Variants in WDR27 observed in about 807,000 individuals in gnomAD.
The protein encoded by WDR27 is WD repeat domain 27.
In WDR27, 100 loss-of-function variants were observed where a neutral mutation model predicts 114.4. That is an observed-to-expected ratio of 0.87 (90% confidence interval 0.74 to 1.03). WDR27 has a LOEUF of 1.03. Among genes scored for constraint, WDR27 ranks in the 50% least tolerant of loss-of-function variants. The pLI is 0.00. For missense variants in WDR27, 1,129 were observed against 1,092.9 expected (o/e 1.03, Z -0.47); for synonymous variants, 449 against 423.1 (o/e 1.06, Z -0.75).
chr6:169,489,477 G>C (rs1456492616), intron 25 of WDR27, among the ~76,000 whole-genome samples: 1 of 152,190 alleles, frequency 6.6e-6, no homozygotes, highest in African/African-American at 2.4e-5. Context: ...GAGAACGAAG[G>C]TCACACTTCT....
chr6:169,636,277 G>A (rs1817641223), intron 19 of WDR27, 94 bp downstream of exon 19: 11 of 1,437,288 alleles, frequency 7.7e-6, no homozygotes. Context: ...TTAAATTTGG[G>A]GCAACATTTT....
At chr6:169,501,446 G>A (rs1791224707) in intron 25 of WDR27, among the ~76,000 whole-genome samples, 1 of 152,210 alleles carries the variant, frequency 6.6e-6, no homozygotes, top group Non-Finnish European at 1.5e-5. Context: ...GAGAGAACTA[G>A]GCTCCTTCTA....
At chr6:169,631,426 TG>T (rs377564169) in intron 21 of WDR27, among the ~76,000 whole-genome samples, 6 of 144,960 alleles carry the variant, frequency 4.1e-5, no homozygotes, top group Admixed American at 2.7e-4. Context: ...GGTGGTGGGG[TG>T]GGGGGGTGGA....
chr6:169,650,860 T>A (rs2128242534), intron 14 of WDR27, among the ~76,000 whole-genome samples: 1 of 152,144 alleles, frequency 6.6e-6, no homozygotes, highest in East Asian at 1.9e-4. Context: ...TGTCCATCTC[T>A]CCATCCATCC....
intron 25 of WDR27, among the ~76,000 whole-genome samples, chr6:169,545,299 C>T (rs1797326423): frequency 6.6e-6 from 1 of 152,204 alleles, no homozygotes; most frequent in African/African-American, 2.4e-5. Context: ...AATTATAAAA[C>T]TTTTAGAAAA....
intron 25 of WDR27, among the ~76,000 whole-genome samples, chr6:169,564,228 A>C (rs1240220196): frequency 2.0e-5 from 3 of 152,210 alleles, no homozygotes; most frequent in Non-Finnish European, 2.9e-5. Context: ...GCATGGGAGA[A>C]AGATGGAGGC....
At chr6:169,508,006 C>T (rs767966546) in intron 25 of WDR27, among the ~76,000 whole-genome samples, 10 of 152,108 alleles carry the variant, frequency 6.6e-5, no homozygotes, top group Admixed American at 3.9e-4. Flanking sequence ...TGTCAAAACA[C>T]GAAGAGAAAA....
At chr6:169,620,128 C>T (rs1339336825) in intron 21 of WDR27, among the ~76,000 whole-genome samples, 2 of 152,166 alleles carry the variant, frequency 1.3e-5, no homozygotes, top group African/African-American at 4.8e-5. Flanking sequence ...AGAGCCTAGT[C>T]CTCACCCCTT....
chr6:169,556,374 G>A (rs1798888663), intron 25 of WDR27, among the ~76,000 whole-genome samples: 1 of 152,194 alleles, frequency 6.6e-6, no homozygotes, highest in Non-Finnish European at 1.5e-5. Flanking sequence ...ACCCTGGGCA[G>A]AGGACCCAGC....
intron 1 of WDR27, among the ~76,000 whole-genome samples, chr6:169,699,582 C>G (rs534049710): frequency 4.6e-5 from 7 of 152,284 alleles, no homozygotes; most frequent in African/African-American, 1.7e-4. Flanking sequence ...GCCTGGTCCC[C>G]ACTGCCATGC....
chr6:169,430,635 C>G, the WDR27 span, among the ~76,000 whole-genome samples: 3 of 152,348 alleles, frequency 2.0e-5, no homozygotes, highest in Non-Finnish European at 4.4e-5. Flanking sequence ...TTGGAAGAAA[C>G]TTTACCGACA....
rs759760543 is a variant in WDR27, at chr6:169,636,497, T to A, written c.1877A>T (p.Asp626Val). 1.9e-6 allele frequency: 3 copies of A among 1,605,756 alleles called. No homozygotes were observed. In the South Asian group the frequency reaches 3.4e-5, roughly 18 times the overall value. Residue 626 changes from aspartate (D) to valine (V), a missense_variant, in exon 19 of 26, where the codon GAC becomes GTC. Asp to Val is a radical substitution (Grantham distance 152). Coordinates refer to ENST00000448612, the MANE Select transcript of WDR27 (RefSeq NM_182552.5). ...GAELALLLGK[D>V]MFSKPIQSAQ... Reference sequence around the variant, plus strand: ...AGACTGTATAGGTTTAGAAAACATGTCTTTGCCCTGTAATGCAAATCAGTA... The same window carrying A: ...AGACTGTATAGGTTTAGAAAACATGACTTTGCCCTGTAATGCAAATCAGTA...
At chr6:169,661,211 T>C (rs981020555) in intron 9 of WDR27, among the ~76,000 whole-genome samples, 5 of 152,238 alleles carry the variant, frequency 3.3e-5, no homozygotes, top group African/African-American at 1.2e-4. Flanking sequence ...GTTTCTATTT[T>C]CTTCTAAGGT....
intron 1 of WDR27, among the ~76,000 whole-genome samples, chr6:169,699,769 C>T (rs564630479): frequency 2.8e-4 from 43 of 152,162 alleles, no homozygotes; most frequent in Admixed American, 2.4e-3. Flanking sequence ...ATCACTTGAG[C>T]CCAGGAGTTC....
chr6:169,540,528 C>T (rs978360187), intron 25 of WDR27, among the ~76,000 whole-genome samples: 6 of 151,838 alleles, frequency 4.0e-5, no homozygotes, highest in South Asian at 4.2e-4. Flanking sequence ...CTCCCGAGTT[C>T]AAGCAATTCT....
At chr6:169,643,820 A>G in intron 16 of WDR27, 34 bp from the exon 17 acceptor site, 1 of 1,570,538 alleles carries the variant, frequency 6.4e-7, no homozygotes, top group East Asian at 2.3e-5. Flanking sequence ...GACTTCTTAG[A>G]AAAGCCTAAT....
chr6:169,698,528 TAAA>T (rs748290748), intron 1 of WDR27, among the ~76,000 whole-genome samples: 4 of 152,372 alleles, frequency 2.6e-5, no homozygotes, highest in Non-Finnish European at 5.9e-5. Context: ...ATCATTTGTG[TAAA>T]AAGTTATTTT....
intron 22 of WDR27, among the ~76,000 whole-genome samples, chr6:169,602,719 A>G (rs1808259272): frequency 6.6e-6 from 1 of 152,212 alleles, no homozygotes; most frequent in South Asian, 2.1e-4. Flanking sequence ...AAGTTTCACA[A>G]CTATTTAAAA....
In WDR27 at chr6:169,697,041, G is replaced by A. The variant is rs575038631; in HGVS notation, c.-8+4510C>T. Among the ~76,000 whole-genome samples, 14 of 152,296 alleles carry A rather than the reference G, an allele frequency of 9.2e-5. No homozygotes were observed. In the East Asian group the frequency reaches 1.7e-3, roughly 19 times the overall value. On this transcript the variant is annotated intron_variant, in intron 1 of 25. Transcript: ENST00000448612. ...CACCCAGGTGCCGAGGCAAGAGACCGAGGACACGAGCTGTTCCAGTATAAT... is the reference window on the plus strand; with the variant it reads ...CACCCAGGTGCCGAGGCAAGAGACCAAGGACACGAGCTGTTCCAGTATAAT...
Sources: gnomAD v4.1 joint callset for allele counts (sites outside exome capture counted in the v4.1 genomes callset) on GRCh38, gnomAD v4.1.1 for gene constraint, MANE v1.5 for transcripts, NCBI Gene and HGNC (gene_info 2026-07-23, HGNC 2026-07-21) for gene names.